Variants in MCC observed in about 807,000 individuals in gnomAD.
MCC encodes MCC regulator of Wnt signaling pathway, also known as colorectal mutant cancer protein.
In MCC, 90 loss-of-function variants were observed where a neutral mutation model predicts 116.2. The observed-to-expected ratio is 0.77, with a 90% CI of 0.65 to 0.92. The LOEUF is 0.92. MCC is among the 40% of genes least tolerant of loss of function. The probability of loss-of-function intolerance (pLI) is 0.00; values close to 1 mark genes in which losing one functional copy is unlikely to be tolerated. For synonymous variants in MCC, 578 were observed against 510.5 expected (o/e 1.13, Z -1.78); for missense variants, 1,516 against 1,312.2 (o/e 1.16, Z -2.40).
At position 113,063,953 on chromosome 5, in the gene MCC, G is replaced by A. The variant is rs10477485; in HGVS notation, c.2213+31C>T. 14,609 of 1,587,494 alleles carry A rather than the reference G, an allele frequency of 9.2e-3. 1,121 individuals carry two copies. In the African/African-American group the frequency reaches 0.17, roughly 19 times the overall value. On this transcript the variant is annotated intron_variant, in intron 14 of 18. Coordinates refer to ENST00000408903, the MANE Select transcript of MCC (RefSeq NM_001085377.2). ...GTGAACAGATGCCATGTGGACACAC[G>A]CCCACCCCAGAGCAGAAGGCTGAGC...
intron 3 of MCC, among the ~76,000 whole-genome samples, chr5:113,169,078 T>G (rs17135372): frequency 0.084 from 12,787 of 151,978 alleles, 608 homozygotes; most frequent in East Asian, 0.12. Flanking sequence ...AAAGAAATCT[T>G]GAAACTCCCA....
At chr5:113,313,517 G>A (rs1329704120) in intron 3 of MCC, among the ~76,000 whole-genome samples, 2 of 152,078 alleles carry the variant, frequency 1.3e-5, no homozygotes, top group Non-Finnish European at 2.9e-5. Flanking sequence ...AGGAAGGAGG[G>A]TTGGAGATAT....
intron 3 of MCC, among the ~76,000 whole-genome samples, chr5:113,180,878 T>A (rs999986333): frequency 1.3e-5 from 2 of 152,216 alleles, no homozygotes; most frequent in African/African-American, 4.8e-5. Context: ...AATAATTACG[T>A]AAAGTTACTT....
chr5:113,332,965 T>A (rs1159475198), intron 3 of MCC, among the ~76,000 whole-genome samples: 2 of 151,682 alleles, frequency 1.3e-5, no homozygotes, highest in Non-Finnish European at 2.9e-5. Flanking sequence ...TCAAATCCCT[T>A]GACCCTGAAA....
In MCC at chr5:113,085,047, G is replaced by A. The variant is rs940847591; in HGVS notation, c.1545+117C>T. The A allele has an allele frequency of 5.0e-6, 7 of 1,409,766 alleles. No individual in the cohort carries two copies. In the African/African-American group the frequency reaches 8.5e-5, roughly 17 times the overall value. The allele number at this position is 1,409,766 out of a possible 1,614,324, so 87.3% of individuals were successfully genotyped here. On this transcript the variant is annotated intron_variant, in intron 9 of 18. Coordinates refer to ENST00000408903, the MANE Select transcript of MCC (RefSeq NM_001085377.2). ...TAGAAGGCCTGCGTAAGGTCCCAGG[G>A]GAAGCCCCTTGTGCTGTCTCAGCTA...
intron 1 of MCC, among the ~76,000 whole-genome samples, chr5:113,424,987 C>T (rs1466671295): frequency 1.3e-5 from 2 of 151,698 alleles, no homozygotes; most frequent in Non-Finnish European, 2.9e-5. Context: ...CAAAGAAGAC[C>T]GAGGGGAGGA....
chr5:113,217,959 A>C (rs1763388690), intron 3 of MCC, among the ~76,000 whole-genome samples: 1 of 151,932 alleles, frequency 6.6e-6, no homozygotes, highest in African/African-American at 2.4e-5. Flanking sequence ...ACATATCCCA[A>C]ACAGAATTTC....
At chr5:113,327,587 A>ATATATATATATATATAT (rs1561525261) in intron 3 of MCC, among the ~76,000 whole-genome samples, 3 of 96,636 alleles carry the variant, frequency 3.1e-5, no homozygotes, top group Non-Finnish European at 4.1e-5. Flanking sequence ...TATATATATA[A>ATATATATATATATATAT]AAATCTCATC....
chr5:113,148,762 T>C lies in MCC; in HGVS notation c.741+2547A>G, dbSNP rs1327765006. On this transcript the variant is annotated intron_variant, in intron 4 of 18. Transcript: ENST00000408903. Reference sequence around the variant, plus strand: ...GTTCTCTTTCCTAGGTTCCAGTATATGAACTGGGAAGAAAACTCCAGTGAG... The same window carrying C: ...GTTCTCTTTCCTAGGTTCCAGTATACGAACTGGGAAGAAAACTCCAGTGAG... Among the ~76,000 whole-genome samples, 4 of 152,234 alleles carry C rather than the reference T, an allele frequency of 2.6e-5. No homozygotes were observed. The South Asian group carries it at 6.2e-4, about 24-fold the overall frequency.
intron 8 of MCC, among the ~76,000 whole-genome samples, chr5:113,095,239 C>T (rs1755933553): frequency 6.6e-6 from 1 of 152,082 alleles, no homozygotes; most frequent in Non-Finnish European, 1.5e-5. Flanking sequence ...GGACAGAAGG[C>T]TACAGGAAAG....
chr5:113,044,677 C>T (rs140707816), intron 16 of MCC, among the ~76,000 whole-genome samples: 51 of 152,306 alleles, frequency 3.3e-4, no homozygotes, highest in African/African-American at 1.2e-3. Flanking sequence ...TGGGTTCAAG[C>T]GATTCTCCCA....
At chr5:113,267,380 A>G (rs1416665617) in intron 3 of MCC, among the ~76,000 whole-genome samples, 1 of 152,174 alleles carries the variant, frequency 6.6e-6, no homozygotes, top group Admixed American at 6.5e-5. Context: ...CTCTTCAGTG[A>G]GGTATGTTGT....
chr5:113,192,982 A>C (rs1003555317), intron 3 of MCC, among the ~76,000 whole-genome samples: 1 of 152,214 alleles, frequency 6.6e-6, no homozygotes, highest in Non-Finnish European at 1.5e-5. Flanking sequence ...CGTTAGGCCT[A>C]AATCAAGGTG....
At chr5:113,211,162 C>T (rs555815636) in intron 3 of MCC, among the ~76,000 whole-genome samples, 17 of 152,250 alleles carry the variant, frequency 1.1e-4, no homozygotes, top group Middle Eastern at 3.4e-3. Context: ...AGAACCCTCA[C>T]GAATGGGATT....
intron 1 of MCC, among the ~76,000 whole-genome samples, chr5:113,418,219 T>A (rs1053769644): frequency 6.6e-6 from 1 of 151,814 alleles, no homozygotes; most frequent in Non-Finnish European, 1.5e-5. Context: ...CCCGTTTAAA[T>A]AGGGGTACAC....
chr5:113,126,994 T>A (rs1443654009), intron 5 of MCC, among the ~76,000 whole-genome samples: 1 of 152,188 alleles, frequency 6.6e-6, no homozygotes. Context: ...ACCCAATGGT[T>A]ATATTTTCTG....
intron 5 of MCC, among the ~76,000 whole-genome samples, chr5:113,130,899 T>A (rs4705788): frequency 0.51 from 76,970 of 151,582 alleles, 21,191 homozygotes; most frequent in East Asian, 0.71. Context: ...TCCTTTCTAG[T>A]AACACAAAGG....
At chr5:113,074,792 T>A (rs115466770) in intron 11 of MCC, among the ~76,000 whole-genome samples, 3 of 152,188 alleles carry the variant, frequency 2.0e-5, no homozygotes, top group African/African-American at 4.8e-5. Flanking sequence ...GTATCAGGGA[T>A]TGAAGATCAT....
At chr5:113,226,368 A>G (rs4282305) in intron 3 of MCC, among the ~76,000 whole-genome samples, 2,089 of 152,368 alleles carry the variant, frequency 0.014, 22 homozygotes, top group Non-Finnish European at 0.023. Context: ...GAGAAAAATG[A>G]GATGTGCTCA....
Sources: gnomAD v4.1 joint callset for allele counts (sites outside exome capture counted in the v4.1 genomes callset) on GRCh38, gnomAD v4.1.1 for gene constraint, MANE v1.5 for transcripts, NCBI Gene and HGNC (gene_info 2026-07-23, HGNC 2026-07-21) for gene names.